TJP3: variants seen among roughly 807,000 people sequenced by gnomAD.
The protein encoded by TJP3 is tight junction protein 3.
TJP3 carries 85 observed loss-of-function variants against 104.2 expected under a neutral mutation model. The observed-to-expected ratio is 0.82, with a 90% CI of 0.68 to 0.98. The LOEUF (loss-of-function observed/expected upper bound fraction) is 0.98, where lower values mean the gene tolerates loss of function less well. Ranked by LOEUF, TJP3 falls within the 50% of genes least tolerant of loss-of-function variation. The pLI is 0.00. For missense variants in TJP3, 1,367 were observed against 1,322.8 expected (o/e 1.03, Z -0.52); for synonymous variants, 550 against 550.6 (o/e 1.00, Z 0.02).
At chr19:3,723,690 G>A (rs1203824746) in intron 1 of TJP3, among the ~76,000 whole-genome samples, 4 of 151,608 alleles carry the variant, frequency 2.6e-5, no homozygotes, top group Non-Finnish European at 1.5e-5. Context: ...CTACTTGGGA[G>A]GCTGAGGCAC....
rs559287751 is a variant in TJP3 at position 3,711,663 on chromosome 19, C to T, written c.-10+3102C>T. 3.3e-3 allele frequency among the ~76,000 whole-genome samples: 467 copies of T among 141,370 alleles called. 7 individuals are homozygous for T. Among genetic ancestry groups the T allele is most frequent in the African/African-American group, 0.011 (438 of 38,090 alleles). 92.7% of individuals were successfully genotyped at this position (141,370 alleles called of 152,430 possible). ...ATCCCAGCACTTTGGGAGGCCGAGA[C>T]GGGTGGATCACGAGGTCAGGAGTTC... is the stretch of plus-strand genomic sequence containing the variant. On this transcript the variant is annotated intron_variant, in intron 1 of 20. Transcript: ENST00000541714.
chr19:3,718,835 A>G (rs1256198391), intron 1 of TJP3, among the ~76,000 whole-genome samples: 1 of 152,142 alleles, frequency 6.6e-6, no homozygotes, highest in East Asian at 1.9e-4. Flanking sequence ...GCGGGCCGGT[A>G]GGGAATGATG....
rs1286931806 is a variant in TJP3, at chr19:3,730,397, G to A, written c.304G>A (p.Ala102Thr). 3 of 1,563,702 alleles carry A rather than the reference G, an allele frequency of 1.9e-6. No homozygotes were observed. The highest frequency in any genetic ancestry group is 1.2e-5 in the South Asian group (1 of 83,816). ...PRRIHLPATKASPSSPGRQDS... is the reference protein window; with the variant it reads ...PRRIHLPATKTSPSSPGRQDS... ...GAGGATCCACCTGCCCGCCACCAAA[G>A]CCAGCCCCTCCAGCCCAGGGCGCCA... Residue 102 changes from alanine (A) to threonine (T), a missense_variant, in exon 5 of 21, where the codon GCC (alanine) becomes ACC (threonine). Coordinates refer to ENST00000541714, the MANE Select transcript of TJP3 (RefSeq NM_001267560.2). This position sits in a 1 kb window ranked among gnomAD's most constrained non-coding sequence, Gnocchi z 7.3.
rs1392175452 is a variant in TJP3, at chr19:3,708,474, C to T, written c.-97C>T. ...GTGGGGAGGCCAGAGCTACAAGCCT[C>T]GGGTTCCCTCCCCACCACCCGTGCC... On this transcript the variant is annotated 5_prime_UTR_variant, in exon 1 of 21. Transcript: ENST00000541714. The T allele has an allele frequency of 6.6e-6, 1 of 152,184 alleles. No individual in the cohort carries two copies. Among genetic ancestry groups the T allele is most frequent in the Non-Finnish European group, 1.5e-5 (1 of 68,034 alleles). 9.4% of individuals were successfully genotyped at this position (152,184 alleles called of 1,614,324 possible).
intron 1 of TJP3, among the ~76,000 whole-genome samples, chr19:3,717,405 T>TTATATATATATATATA (rs112882829): frequency 7.5e-6 from 1 of 133,748 alleles, no homozygotes; most frequent in African/African-American, 2.6e-5. Context: ...CAGCCATAGC[T>TTATATATATATATATA]TATATATATA....
chr19:3,722,856 CGG>C (rs57421122), intron 1 of TJP3, among the ~76,000 whole-genome samples: 1 of 11,270 alleles, frequency 8.9e-5, no homozygotes, highest in Non-Finnish European at 2.9e-4. Flanking sequence ...GATGGGGTGG[CGG>C]GGGGGGGGGG....
chr19:3,737,744 T>G (rs1403668485), intron 11 of TJP3, among the ~76,000 whole-genome samples: 1 of 152,214 alleles, frequency 6.6e-6, no homozygotes, highest in East Asian at 1.9e-4. Flanking sequence ...GAAAACTTGA[T>G]GCCAAATTGC....
At chr19:3,720,291 G>C (rs1428435000) in intron 1 of TJP3, among the ~76,000 whole-genome samples, 2 of 152,170 alleles carry the variant, frequency 1.3e-5, no homozygotes, top group African/African-American at 4.8e-5. Flanking sequence ...AGCTGACTTG[G>C]GTCTCTGGAC....
rs138219655 is a variant in TJP3, at chr19:3,739,079, C to T, written c.1576C>T (p.Arg526Cys). The T allele has an allele frequency of 4.4e-4, 704 of 1,603,652 alleles. No individual in the cohort carries two copies. The highest frequency in any genetic ancestry group is 5.9e-4 in the Non-Finnish European group (688 of 1,174,422). Residue 526 changes from arginine to cysteine, a missense_variant, in exon 13 of 21, where the codon CGC (arginine) becomes TGC (cysteine). Physicochemically the swap from Arg to Cys is radical, Grantham distance 180. Coordinates refer to ENST00000541714, the MANE Select transcript of TJP3 (RefSeq NM_001267560.2). ...HARGGHWLAVRMGRDLREQER... is the reference protein window; with the variant it reads ...HARGGHWLAVCMGRDLREQER... ...ACGAGGAGGCCACTGGCTGGCGGTG[C>T]GCATGGGTCGTGACCTGCGGGAGCA...
chr19:3,749,414 G>A (rs964371801), intron 19 of TJP3, among the ~76,000 whole-genome samples: 9 of 152,002 alleles, frequency 5.9e-5, no homozygotes, highest in African/African-American at 1.7e-4. Flanking sequence ...ATCATAGTTC[G>A]TTGCGGCCTC....
Position 3,746,602 on chromosome 19 carries a change from C to T in TJP3, c.2128C>T (p.Arg710Cys), listed in dbSNP as rs770316696. Residue 710 changes from arginine to cysteine, a missense_variant, in exon 17 of 21, where the codon CGC (arginine) becomes TGC (cysteine). By Grantham distance (180) the Arg-to-Cys change is radical (BLOSUM62 -3). Transcript: ENST00000541714. The surrounding 1 kb of genome is among the most constrained non-coding windows in gnomAD (Gnocchi z 4.1). ...GAGCCGGCCGGCCCTCAAGGCACTGCGCCAGTGGCTGGCGCCTGCCTCCCG... is the reference window on the plus strand; with the variant it reads ...GAGCCGGCCGGCCCTCAAGGCACTGTGCCAGTGGCTGGCGCCTGCCTCCCG... ...PESRPALKAL[R>C]QWLAPASRRS... 9 of 1,613,518 alleles carry T rather than the reference C, an allele frequency of 5.6e-6. No individual in the cohort carries two copies. The highest frequency in any genetic ancestry group is 7.6e-6 in the Non-Finnish European group (9 of 1,179,900).
chr19:3,735,577 G>T lies in TJP3; in HGVS notation c.998G>T (p.Arg333Leu). ...SQTDSPVESP[R>L]LRRESSVDSR... ...CTGTTCCCCACCAGGGAGAGTCCCC[G>T]GCTTCGGCGGGAAAGTTCAGTAGAT... The change falls in exon 9 of 21, where the codon CGG becomes CTG. Residue 333 changes from arginine (R) to leucine (L), a missense_variant. Physicochemically the swap from Arg to Leu is moderately radical, Grantham distance 102. Coordinates refer to ENST00000541714, the MANE Select transcript of TJP3 (RefSeq NM_001267560.2). The T allele has an allele frequency of 6.2e-7, 1 of 1,614,138 alleles. No homozygotes were observed. Among genetic ancestry groups the T allele is most frequent in the Non-Finnish European group, 8.5e-7 (1 of 1,180,018 alleles).
Position 3,747,546 on chromosome 19 carries a change from G to A in TJP3, c.2323-248G>A, listed in dbSNP as rs370670091. On this transcript the variant is annotated intron_variant, in intron 18 of 20. Transcript: ENST00000541714. ...CTCCTTCTCATAAAAAAGAGAGAGA[G>A]AATGGAGTCTTCTCTTGGGGCTGGA... Among the ~76,000 whole-genome samples the A allele has an allele frequency of 6.6e-5, 10 of 152,300 alleles. No homozygotes were observed. In the East Asian group the frequency reaches 1.7e-3, roughly 27 times the overall value.
In TJP3 at chr19:3,738,674, G is replaced by A. The variant is rs371657408; in HGVS notation, c.1393+11G>A. ...AGAGGAAGCAGGACAGTGAGTGCGC[G>A]TGGATATGGGTGTGCCTGTGTGTTG... On this transcript the variant is annotated intron_variant, in intron 12 of 20. Coordinates refer to ENST00000541714, the MANE Select transcript of TJP3 (RefSeq NM_001267560.2). The A allele has an allele frequency of 2.5e-5, 40 of 1,606,426 alleles. No individual in the cohort carries two copies. The highest frequency in any genetic ancestry group is 8.9e-5 in the East Asian group (4 of 44,824).
intron 13 of TJP3, among the ~76,000 whole-genome samples, chr19:3,740,186 T>C (rs891690212): frequency 2.6e-5 from 4 of 151,790 alleles, no homozygotes; most frequent in African/African-American, 9.7e-5. Context: ...GAGCAGAGAT[T>C]GCACCGCTGC....
In TJP3 at chr19:3,710,500, C is replaced by G. The variant is rs149613378; in HGVS notation, c.-10+1939C>G. On this transcript the variant is annotated intron_variant, in intron 1 of 20. Coordinates refer to ENST00000541714, the MANE Select transcript of TJP3 (RefSeq NM_001267560.2). ...TCAGCATCTCGAGAAAGTCCTGCCCCCTGGCTTGGTGCTTCCTCGTGGCCC... is the reference window on the plus strand; with the variant it reads ...TCAGCATCTCGAGAAAGTCCTGCCCGCTGGCTTGGTGCTTCCTCGTGGCCC... Among the ~76,000 whole-genome samples the G allele has an allele frequency of 5.4e-3, 820 of 152,316 alleles. 7 individuals are homozygous for G. The highest frequency in any genetic ancestry group is 0.019 in the African/African-American group (776 of 41,570).
chr19:3,717,877 G>A (rs1471831289), intron 1 of TJP3, among the ~76,000 whole-genome samples: 6 of 148,040 alleles, frequency 4.1e-5, no homozygotes, highest in Admixed American at 1.4e-4. Flanking sequence ...AGCTTCCCAA[G>A]TAGCTGGGAG....
At position 3,746,349 on chromosome 19, in the gene TJP3, C is replaced by T; in HGVS notation, c.2011-136C>T. On this transcript the variant is annotated intron_variant, in intron 16 of 20. Transcript: ENST00000541714. This position sits in a 1 kb window ranked among gnomAD's most constrained non-coding sequence, Gnocchi z 4.1. ...CTGCGACCTGGGCTGTTACCACCCC[C>T]ATCCCCAACTTGCTAGCCTGTGGAT... 1.0e-6 allele frequency: 1 copy of T among 975,332 alleles called. No homozygotes were observed. Among genetic ancestry groups the T allele is most frequent in the Admixed American group, 2.5e-5 (1 of 39,644 alleles). 60.4% of individuals were successfully genotyped at this position (975,332 alleles called of 1,614,324 possible).
intron 11 of TJP3, among the ~76,000 whole-genome samples, chr19:3,737,918 A>C (rs1462054210): frequency 6.6e-6 from 1 of 151,192 alleles, no homozygotes; most frequent in East Asian, 2.0e-4. Context: ...CTGTGTCTGT[A>C]TATTGCTGTC....
Sources: gnomAD v4.1 joint callset for allele counts (sites outside exome capture counted in the v4.1 genomes callset) on GRCh38, gnomAD v4.1.1 for gene constraint, Gnocchi (gnomAD v3.1) non-coding constraint, MANE v1.5 for transcripts, NCBI Gene and HGNC (gene_info 2026-07-23, HGNC 2026-07-21) for gene names.